The following ZNF229 variants were observed in gnomAD, a reference collection of about 807,000 sequenced individuals.
ZNF229 encodes zinc finger protein 229.
In ZNF229, 10 loss-of-function variants were observed where a neutral mutation model predicts 11.8. The observed-to-expected ratio is 0.85, with a 90% CI of 0.52 to 1.44. ZNF229 has a LOEUF of 1.44. ZNF229 is among the 40% of genes most tolerant of loss of function. The pLI, the probability that ZNF229 is intolerant of heterozygous loss-of-function variation, is 0.00. For synonymous variants in ZNF229, 368 were observed against 374.8 expected (o/e 0.98, Z 0.21); for missense variants, 1,045 against 1,015.1 (o/e 1.03, Z -0.40).
At position 44,428,833 on chromosome 19, in the gene ZNF229, G is replaced by A. The variant is rs1462904342; in HGVS notation, c.1948C>T (p.His650Tyr). The change falls in exon 6 of 6, where the codon CAC (histidine) becomes TAC (tyrosine). Residue 650 changes from histidine to tyrosine, a missense_variant. Transcript: ENST00000614049. ...SSGLLIHQRV[H>Y]TGEKPYRCQE... ...CATCTGTAAGGTTTCTCGCCTGTGT[G>A]GACTCTCTGGTGAATGAGAAGCCCT... The A allele has an allele frequency of 6.2e-7, 1 of 1,613,580 alleles. No homozygotes were observed. The highest frequency in any genetic ancestry group is 8.5e-7 in the Non-Finnish European group (1 of 1,179,932).
chr19:44,443,830 C>T (rs12980701), intron 2 of ZNF229, among the ~76,000 whole-genome samples: 1 of 151,966 alleles, frequency 6.6e-6, no homozygotes, highest in Admixed American at 6.6e-5. Context: ...GTGACTTAGA[C>T]TAGTATAATT....
In ZNF229 at chr19:44,428,376, C is replaced by CCA. The variant is rs1240100504; in HGVS notation, c.2403_2404dup (p.Gly802ValfsTer19). The CCA allele has an allele frequency of 1.9e-6, 3 of 1,613,954 alleles. No individual in the cohort carries two copies. The highest frequency in any genetic ancestry group is 1.6e-4 in the Middle Eastern group (1 of 6,082). On this transcript the variant is annotated frameshift_variant, in exon 6 of 6. Transcript: ENST00000614049. LOFTEE classifies it low-confidence loss of function (END_TRUNC). Reference sequence around the variant, plus strand: ...ACCTGAGGTATAACTGAAGCCTTTCCCACACACACCACACGTATAGGGCTT... The same window carrying CCA: ...ACCTGAGGTATAACTGAAGCCTTTCCCACACACACACCACACGTATAGGGCTT...
At position 44,432,356 on chromosome 19, in the gene ZNF229, C is replaced by T; in HGVS notation, c.104G>A (p.Ser35Asn). The change falls in exon 5 of 6, where the codon AGC (serine) becomes AAC (asparagine). Residue 35 changes from serine to asparagine, a missense_variant. Coordinates refer to ENST00000614049, the MANE Select transcript of ZNF229 (RefSeq NM_014518.4). The stretch of plus-strand genomic sequence containing the variant: ...GAAGACCACAGCCACGTCCTTGAAG[C>T]TCAATGGCTCCTAAAATGAAAAACC... ...EEKIMSQEPL[S>N]FKDVAVVFTE... is the part of the protein sequence containing the mutation. The T allele has an allele frequency of 6.2e-7, 1 of 1,613,262 alleles. No individual in the cohort carries two copies. Among genetic ancestry groups the T allele is most frequent in the Non-Finnish European group, 8.5e-7 (1 of 1,179,822 alleles).
In ZNF229 at chr19:44,429,227, T is replaced by C. The variant is rs1189539340; in HGVS notation, c.1554A>G (p.Lys518=). ...QRVHMGQHLY[K]CNVCGKSFSY... ...TGAAACTCTTACCACACACGTTACA[T>C]TTGTACAGATGCTGCCCCATGTGAA... is the stretch of plus-strand genomic sequence containing the variant. The change falls in exon 6 of 6, where the codon AAA becomes AAG. Residue 518 remains lysine (K), a synonymous_variant. Transcript: ENST00000614049. 1.4e-5 allele frequency: 23 copies of C among 1,613,776 alleles called. No individual in the cohort carries two copies. The highest frequency in any genetic ancestry group is 1.9e-5 in the Non-Finnish European group (22 of 1,179,998).
chr19:44,428,743 C>T lies in ZNF229; in HGVS notation c.2038G>A (p.Gly680Arg), dbSNP rs780139953. The T allele has an allele frequency of 1.9e-6, 3 of 1,613,770 alleles. No homozygotes were observed. Among genetic ancestry groups the T allele is most frequent in the African/African-American group, 1.3e-5 (1 of 74,760 alleles). Reference protein sequence around the residue: ...SLHKHQRVHTGKKPYTCDQCG... With the variant: ...SLHKHQRVHTRKKPYTCDQCG... Reference sequence around the variant, plus strand: ...TGATCACACGTATAGGGCTTTTTTCCCGTGTGGACTCGCTGATGTTTGTGA... The same window carrying T: ...TGATCACACGTATAGGGCTTTTTTCTCGTGTGGACTCGCTGATGTTTGTGA... The change falls in exon 6 of 6, where the codon GGA becomes AGA. Residue 680 changes from glycine (G) to arginine (R), a missense_variant. By Grantham distance (125) the Gly-to-Arg change is moderately radical. Transcript: ENST00000614049.
Position 44,428,971 on chromosome 19 carries a change from C to T in ZNF229, c.1810G>A (p.Val604Met), listed in dbSNP as rs752215607. Reference sequence around the variant, plus strand: ...CTGTAGATGAAACCCTTCCCACACACGTCACACACGTAGGGCCTCTCTCCC... The same window carrying T: ...CTGTAGATGAAACCCTTCCCACACATGTCACACACGTAGGGCCTCTCTCCC... Reference protein sequence around the residue: ...HTGERPYVCDVCGKGFIYSSD... With the variant: ...HTGERPYVCDMCGKGFIYSSD... Residue 604 changes from valine to methionine, a missense_variant, in exon 6 of 6, where the codon GTG becomes ATG. Coordinates refer to ENST00000614049, the MANE Select transcript of ZNF229 (RefSeq NM_014518.4). 48 of 1,613,496 alleles carry T rather than the reference C, an allele frequency of 3.0e-5. No homozygotes were observed. Among genetic ancestry groups the T allele is most frequent in the African/African-American group, 8.0e-5 (6 of 74,666 alleles).
In ZNF229 at chr19:44,430,462, T is replaced by C; in HGVS notation, c.319A>G (p.Lys107Glu). 2 of 1,614,172 alleles carry C rather than the reference T, an allele frequency of 1.2e-6. No homozygotes were observed. The highest frequency in any genetic ancestry group is 1.7e-6 in the Non-Finnish European group (2 of 1,180,044). ...FFSHKELSSC[K>E]IWEEVAGELP... ...TCACCTGCCACCTCTTCCCAGATTT[T>C]GCATGAGGAGAGCTCTTTGTGTGAA... is the stretch of plus-strand genomic sequence containing the variant. The change falls in exon 6 of 6, where the codon AAA (lysine) becomes GAA (glutamate). Residue 107 changes from lysine to glutamate, a missense_variant. Transcript: ENST00000614049.
intron 2 of ZNF229, among the ~76,000 whole-genome samples, chr19:44,445,243 C>A (rs887020957): frequency 2.6e-5 from 4 of 152,194 alleles, no homozygotes; most frequent in Admixed American, 2.0e-4. Flanking sequence ...ATTAACGTGA[C>A]AGCCCCCTAA....
chr19:44,432,105 T>C, intron 5 of ZNF229, 117 bp downstream of exon 5: 1 of 1,476,872 alleles, frequency 6.8e-7, no homozygotes. Context: ...GTCTGGCAAT[T>C]TTTTACAGCA....
At chr19:44,433,778 T>G (rs916969497) in intron 4 of ZNF229, among the ~76,000 whole-genome samples, 1 of 152,072 alleles carries the variant, frequency 6.6e-6, no homozygotes, top group African/African-American at 2.4e-5. Context: ...TTTGTTTGCT[T>G]GTTTTTGAGA....
chr19:44,430,454 C>G lies in ZNF229; in HGVS notation c.327G>C (p.Trp109Cys). The G allele has an allele frequency of 6.2e-7, 1 of 1,614,138 alleles. No individual in the cohort carries two copies. ...SHKELSSCKIWEEVAGELPGS... is the reference protein window; with the variant it reads ...SHKELSSCKICEEVAGELPGS... ...CAGGTAATTCACCTGCCACCTCTTC[C>G]CAGATTTTGCATGAGGAGAGCTCTT... Residue 109 changes from tryptophan to cysteine, a missense_variant, in exon 6 of 6, where the codon TGG becomes TGC. Trp to Cys is a radical substitution (Grantham distance 215, BLOSUM62 -2). Transcript: ENST00000614049.
In ZNF229 at chr19:44,448,324, G is replaced by C. The variant is rs1236196037; in HGVS notation, c.-281C>G. ...CCTGCCTCACCAGGCCGAGCTCATG[G>C]AAATCCGTGGGCTTCGACCCTCCGC... On this transcript the variant is annotated 5_prime_UTR_variant, in exon 1 of 6. Transcript: ENST00000614049. The C allele has an allele frequency of 6.6e-6, 1 of 152,348 alleles. No individual in the cohort carries two copies. The highest frequency in any genetic ancestry group is 1.5e-5 in the Non-Finnish European group (1 of 68,146). 9.4% of individuals were successfully genotyped at this position (152,348 alleles called of 1,614,324 possible).
At chr19:44,448,554 C>T (rs956938136), upstream of ZNF229, 7 of 152,294 alleles carry the variant, frequency 4.6e-5, no homozygotes, top group African/African-American at 1.4e-4. Flanking sequence ...CAGTCCGATC[C>T]TAGGGGCGAT....
chr19:44,443,614 A>G (rs1049586714), intron 2 of ZNF229, among the ~76,000 whole-genome samples: 1 of 152,222 alleles, frequency 6.6e-6, no homozygotes, highest in Non-Finnish European at 1.5e-5. Context: ...CTGTGCAAGT[A>G]TAGTGCCACT....
intron 4 of ZNF229, among the ~76,000 whole-genome samples, chr19:44,433,406 T>A (rs1971758459): frequency 6.6e-6 from 1 of 152,080 alleles, no homozygotes; most frequent in Admixed American, 6.5e-5. Flanking sequence ...CCAAATCTCA[T>A]GCTGAACTGT....
At chr19:44,436,882 G>A (rs1300159111) in intron 4 of ZNF229, among the ~76,000 whole-genome samples, 2 of 151,866 alleles carry the variant, frequency 1.3e-5, no homozygotes, top group African/African-American at 2.4e-5. Flanking sequence ...ATTTCCTTCT[G>A]TCTTTGTATT....
chr19:44,439,811 T>C (rs1971876888), intron 4 of ZNF229, among the ~76,000 whole-genome samples: 1 of 152,234 alleles, frequency 6.6e-6, no homozygotes, highest in African/African-American at 2.4e-5. Flanking sequence ...GATTCACACC[T>C]CTTTGTTAAT....
Position 44,442,206 on chromosome 19 carries a change from C to T in ZNF229, c.93+357G>A, listed in dbSNP as rs559312876. Among the ~76,000 whole-genome samples the T allele has an allele frequency of 3.1e-4, 47 of 152,236 alleles. 1 individual carries two copies. The South Asian group carries it at 9.3e-3, about 30-fold the overall frequency. The stretch of plus-strand genomic sequence containing the variant: ...ATTACATCTATAAATGAATAACGTT[C>T]CACAGAGGAGAACAACCCAGGCAGC... On this transcript the variant is annotated intron_variant, in intron 4 of 5. Coordinates refer to ENST00000614049, the MANE Select transcript of ZNF229 (RefSeq NM_014518.4).
chr19:44,444,438 G>T (rs887302524), intron 2 of ZNF229, among the ~76,000 whole-genome samples: 1 of 152,060 alleles, frequency 6.6e-6, no homozygotes, highest in African/African-American at 2.4e-5. Flanking sequence ...TTCATGCACT[G>T]CCCTGAACTG....
Sources: allele counts gnomAD v4.1 joint callset (sites outside exome capture counted in the v4.1 genomes callset), GRCh38; gene constraint gnomAD v4.1.1; transcripts MANE v1.5; gene names NCBI Gene and HGNC (gene_info 2026-07-23, HGNC 2026-07-21).